CACNG3: variants seen among roughly 807,000 people sequenced by gnomAD.
The protein encoded by CACNG3 is voltage-dependent calcium channel gamma-3 subunit.
In CACNG3, 3 loss-of-function variants were observed where a neutral mutation model predicts 28.5. The observed-to-expected ratio is 0.11, with a 90% confidence interval of 0.05 to 0.27. CACNG3 has a LOEUF of 0.27. Ranked by LOEUF, CACNG3 falls within the 10% of genes least tolerant of loss-of-function variation. The pLI is 1.00. For missense variants in CACNG3, 236 were observed against 414.4 expected, an observed-to-expected ratio of 0.57 and a Z score of 3.74; for synonymous variants, 174 against 162.2, an observed-to-expected ratio of 1.07 and a Z score of -0.55.
Position 24,284,793 on chromosome 16 carries a change from A to G in CACNG3, c.211+27828A>G, listed in dbSNP as rs373126488. Among the ~76,000 whole-genome samples the G allele has an allele frequency of 3.3e-5, 5 of 152,266 alleles. No homozygotes were observed. In the East Asian group the frequency reaches 7.7e-4, roughly 23 times the overall value. The stretch of plus-strand genomic sequence containing the variant: ...TTTAATGTGAAGAGGTCCTTTTGGC[A>G]TCCTAACTACTATCCAGCAAAGTCA... On this transcript the variant is annotated intron_variant, in intron 1 of 3. Coordinates refer to ENST00000005284, the MANE Select transcript of CACNG3 (RefSeq NM_006539.4).
In CACNG3 at chr16:24,362,199, G is replaced by A. The variant is rs975843066; in HGVS notation, c.*336G>A. On this transcript the variant is annotated 3_prime_UTR_variant, in exon 4 of 4. Coordinates refer to ENST00000005284, the MANE Select transcript of CACNG3 (RefSeq NM_006539.4). ...AAAGTCACAGGTGGTGGCCAGGGGG[G>A]ATTTCCGAATCTCCATCAGGCGCGC... is the stretch of plus-strand genomic sequence containing the variant. 1.4e-5 allele frequency: 3 copies of A among 208,472 alleles called. No individual in the cohort carries two copies. Among genetic ancestry groups the A allele is most frequent in the Admixed American group, 1.1e-4 (2 of 18,662 alleles). 12.9% of individuals were successfully genotyped at this position (208,472 alleles called of 1,614,324 possible).
At chr16:24,311,887 G>A (rs185656892) in intron 1 of CACNG3, among the ~76,000 whole-genome samples, 86 of 152,324 alleles carry the variant, frequency 5.6e-4, no homozygotes, top group African/African-American at 2.0e-3. Flanking sequence ...ATGGTGGTAA[G>A]TAAAGGCACA....
intron 1 of CACNG3, among the ~76,000 whole-genome samples, chr16:24,287,886 A>G (rs1175806259): frequency 6.6e-6 from 1 of 152,168 alleles, no homozygotes; most frequent in Non-Finnish European, 1.5e-5. Flanking sequence ...AGGGGAGAGG[A>G]TTGCTTGAGA....
intron 1 of CACNG3, among the ~76,000 whole-genome samples, chr16:24,299,399 T>C (rs955492064): frequency 6.6e-6 from 1 of 152,218 alleles, no homozygotes; most frequent in African/African-American, 2.4e-5. Context: ...GAACACATCC[T>C]TGCTTTCCAG....
At chr16:24,310,393 G>A (rs1322883356) in intron 1 of CACNG3, among the ~76,000 whole-genome samples, 1 of 152,016 alleles carries the variant, frequency 6.6e-6, no homozygotes, top group Non-Finnish European at 1.5e-5. Flanking sequence ...ACAAAACCCT[G>A]TCTCTACTAA....
chr16:24,268,833 AGCAT>A (rs1339149310), intron 1 of CACNG3, among the ~76,000 whole-genome samples: 4 of 152,068 alleles, frequency 2.6e-5, no homozygotes, highest in Non-Finnish European at 5.9e-5. Flanking sequence ...AGTAAACTTG[AGCAT>A]GTTATTTATT....
chr16:24,350,037 G>C (rs1899920521), intron 2 of CACNG3, among the ~76,000 whole-genome samples: 1 of 151,000 alleles, frequency 6.6e-6, no homozygotes, highest in South Asian at 2.1e-4. Flanking sequence ...CATATAGTTT[G>C]GGGGGAGAAA....
chr16:24,288,937 G>A (rs1427448898), intron 1 of CACNG3, among the ~76,000 whole-genome samples: 1 of 152,018 alleles, frequency 6.6e-6, no homozygotes. Flanking sequence ...TGCCTGACCT[G>A]AAGGGTATGG....
chr16:24,356,305 A>C lies in CACNG3; in HGVS notation c.436+1332A>C, dbSNP rs567202140. Among the ~76,000 whole-genome samples the C allele has an allele frequency of 6.6e-5, 10 of 152,256 alleles. No individual in the cohort carries two copies. In the South Asian group the frequency reaches 1.7e-3, roughly 25 times the overall value. On this transcript the variant is annotated intron_variant, in intron 3 of 3. Transcript: ENST00000005284. The stretch of plus-strand genomic sequence containing the variant: ...AAAATGGTGAGGAAGAGTGGCTTGC[A>C]ACCCCCCTGGATTTCAATCCTGGAT...
chr16:24,350,048 C>A (rs1019761376), intron 2 of CACNG3, among the ~76,000 whole-genome samples: 1 of 152,180 alleles, frequency 6.6e-6, no homozygotes, highest in African/African-American at 2.4e-5. Context: ...GGGGGAGAAA[C>A]AGGGAAGGAA....
Position 24,362,199 on chromosome 16 carries a change from G to C in CACNG3, c.*336G>C, listed in dbSNP as rs975843066. ...AAAGTCACAGGTGGTGGCCAGGGGG[G>C]ATTTCCGAATCTCCATCAGGCGCGC... On this transcript the variant is annotated 3_prime_UTR_variant, in exon 4 of 4. Coordinates refer to ENST00000005284, the MANE Select transcript of CACNG3 (RefSeq NM_006539.4). 4.8e-6 allele frequency: 1 copy of C among 208,472 alleles called. No homozygotes were observed. The highest frequency in any genetic ancestry group is 2.3e-5 in the African/African-American group (1 of 43,576). The allele number at this position is 208,472 out of a possible 1,614,324, so 12.9% of individuals were successfully genotyped here.
intron 1 of CACNG3, among the ~76,000 whole-genome samples, chr16:24,259,904 A>G (rs181453267): frequency 4.3e-4 from 65 of 152,328 alleles, no homozygotes; most frequent in Admixed American, 3.9e-3. Context: ...TTAGATTATC[A>G]GGGGCTCCAC....
Position 24,354,255 on chromosome 16 carries a change from C to T in CACNG3, c.296-578C>T, listed in dbSNP as rs143247708. Among the ~76,000 whole-genome samples, 4 of 152,260 alleles carry T rather than the reference C, an allele frequency of 2.6e-5. No homozygotes were observed. In the East Asian group the frequency reaches 5.8e-4, roughly 22 times the overall value. On this transcript the variant is annotated intron_variant, in intron 2 of 3. Transcript: ENST00000005284. ...TTTTAATTTTTTCTGTGATCGCTCT[C>T]GATCTATCATGGTGTTTTCTATTTG...
intron 3 of CACNG3, among the ~76,000 whole-genome samples, chr16:24,357,527 C>T (rs1017918300): frequency 2.6e-5 from 4 of 152,170 alleles, no homozygotes; most frequent in African/African-American, 9.6e-5. Context: ...CCCACTGCTT[C>T]GCCGGCTGTG....
Position 24,256,725 on chromosome 16 carries a change from C to A in CACNG3, c.-30C>A. 4 of 1,504,988 alleles carry A rather than the reference C, an allele frequency of 2.7e-6. No homozygotes were observed. In the South Asian group the frequency reaches 4.5e-5, roughly 17 times the overall value. The allele number at this position is 1,504,988 out of a possible 1,614,324, so 93.2% of individuals were successfully genotyped here. A position where few individuals can be genotyped will look rare whatever the true frequency, so the allele number is the denominator to read the frequency against. On this transcript the variant is annotated 5_prime_UTR_variant, in exon 1 of 4. Transcript: ENST00000005284. The surrounding 1 kb of genome is among the most constrained non-coding windows in gnomAD (Gnocchi z 4.6). ...CCGGCACTGACTCTCCCCCTCCAAC[C>A]CCCAGCCGTCCAGAGTACCATGAAG... is the stretch of plus-strand genomic sequence containing the variant.
In CACNG3 at chr16:24,304,070, C is replaced by T. The variant is rs112185880; in HGVS notation, c.212-42664C>T. Among the ~76,000 whole-genome samples the T allele has an allele frequency of 4.9e-3, 738 of 152,160 alleles. 4 individuals are homozygous for T. The highest frequency in any genetic ancestry group is 0.016 in the African/African-American group (665 of 41,508). ...AAATAAAATAAAAACAATTTCAGTT[C>T]CAGGAAGATAGTGACCTTGTGGTTT... is the stretch of plus-strand genomic sequence containing the variant. On this transcript the variant is annotated intron_variant, in intron 1 of 3. Coordinates refer to ENST00000005284, the MANE Select transcript of CACNG3 (RefSeq NM_006539.4).
intron 1 of CACNG3, among the ~76,000 whole-genome samples, chr16:24,317,031 T>G (rs1899361112): frequency 6.6e-6 from 1 of 152,152 alleles, no homozygotes; most frequent in African/African-American, 2.4e-5. Context: ...GACACCAGTT[T>G]CCTACATAGG....
intron 2 of CACNG3, among the ~76,000 whole-genome samples, chr16:24,349,179 C>A (rs553592909): frequency 1.3e-5 from 2 of 152,348 alleles, no homozygotes; most frequent in Non-Finnish European, 2.9e-5. Context: ...GACCCACAAC[C>A]CTGGTGGGAA....
chr16:24,300,272 G>T (rs890325220), intron 1 of CACNG3, among the ~76,000 whole-genome samples: 4 of 152,108 alleles, frequency 2.6e-5, no homozygotes, highest in Non-Finnish European at 4.4e-5. Flanking sequence ...TAGACCTCAT[G>T]GGGGAGACAG....
Sources: gnomAD v4.1 joint callset for allele counts (sites outside exome capture counted in the v4.1 genomes callset) on GRCh38, gnomAD v4.1.1 for gene constraint, Gnocchi (gnomAD v3.1) non-coding constraint, MANE v1.5 for transcripts, NCBI Gene and HGNC (gene_info 2026-07-23, HGNC 2026-07-21) for gene names.